The following BCL2 variants were observed in gnomAD, a reference collection of about 807,000 sequenced individuals.
BCL2 encodes the protein BCL2 apoptosis regulator.
Under a neutral mutation model 14.2 loss-of-function variants are expected in BCL2, and 1 was observed. The observed-to-expected ratio is 0.07, with a 90% CI of 0.02 to 0.33. The LOEUF is 0.33. Ranked by LOEUF, BCL2 falls within the 10% of genes least tolerant of loss-of-function variation. The probability of loss-of-function intolerance (pLI) is 0.99; values close to 1 mark genes in which losing one functional copy is unlikely to be tolerated. For synonymous variants in BCL2, 151 were observed against 137.2 expected (o/e 1.10, Z -0.70); for missense variants, 247 against 305.9 (o/e 0.81, Z 1.44).
intron 2 of BCL2, among the ~76,000 whole-genome samples, chr18:63,229,051 T>C (rs1023390840): frequency 1.6e-4 from 24 of 152,268 alleles, no homozygotes; most frequent in South Asian, 1.4e-3. Context: ...GATCACTTGT[T>C]AATATGAAGA....
Position 63,126,796 on chromosome 18 carries a change from A to T in BCL2, c.*1829T>A, listed in dbSNP as rs935020143. 1.3e-5 allele frequency: 3 copies of T among 227,822 alleles called. No homozygotes were observed. The highest frequency in any genetic ancestry group is 2.2e-5 in the African/African-American group (1 of 45,098). 14.1% of individuals were successfully genotyped at this position (227,822 alleles called of 1,614,324 possible). On this transcript the variant is annotated 3_prime_UTR_variant, in exon 3 of 3. Coordinates refer to ENST00000333681, the MANE Select transcript of BCL2 (RefSeq NM_000633.3). ...ACTAAATACAATTAAAAACAAAAAA[A>T]CGCTGAGATGCATGTATTTTTTTAA...
At chr18:63,182,414 G>A (rs1915497545) in intron 2 of BCL2, among the ~76,000 whole-genome samples, 1 of 152,222 alleles carries the variant, frequency 6.6e-6, no homozygotes, top group Non-Finnish European at 1.5e-5. Context: ...CATCTGTACT[G>A]AGAAAACACA....
At chr18:63,148,148 G>T (rs908001933) in intron 2 of BCL2, among the ~76,000 whole-genome samples, 1 of 152,244 alleles carries the variant, frequency 6.6e-6, no homozygotes, top group East Asian at 1.9e-4. Flanking sequence ...GTTTGGATCC[G>T]TGACATCAAC....
chr18:63,287,792 G>C (rs867767420), intron 2 of BCL2, among the ~76,000 whole-genome samples: 2 of 152,176 alleles, frequency 1.3e-5, no homozygotes, highest in Admixed American at 6.5e-5. Flanking sequence ...AAAAACCAGA[G>C]ATCTAGGGAA....
chr18:63,280,990 A>G (rs1301270506), intron 2 of BCL2, among the ~76,000 whole-genome samples: 3 of 152,200 alleles, frequency 2.0e-5, no homozygotes, highest in Admixed American at 2.0e-4. Flanking sequence ...ATTCAATGGA[A>G]TATCATTCAG....
chr18:63,256,499 G>A (rs1181276541), intron 2 of BCL2, among the ~76,000 whole-genome samples: 1 of 152,202 alleles, frequency 6.6e-6, no homozygotes, highest in Non-Finnish European at 1.5e-5. Flanking sequence ...TTACAGGCGT[G>A]AGCCACCATG....
intron 2 of BCL2, among the ~76,000 whole-genome samples, chr18:63,251,542 G>C (rs1380891762): frequency 1.3e-5 from 2 of 150,986 alleles, no homozygotes; most frequent in Non-Finnish European, 3.0e-5. Context: ...CTACTGAGGA[G>C]GCTGAGGCAG....
At chr18:63,151,379 T>C (rs1356449498) in intron 2 of BCL2, 2 of 151,176 alleles carry the variant, frequency 1.3e-5, no homozygotes, top group Non-Finnish European at 2.9e-5. Context: ...TTTCCTTCTA[T>C]GAGGTCAGGA....
rs1157110679 is a variant in BCL2, at chr18:63,318,437, G to A, written c.230C>T (p.Ala77Val). Residue 77 changes from alanine (A) to valine (V), a missense_variant, in exon 2 of 3, where the codon GCC becomes GTC. Physicochemically the swap from Ala to Val is moderately conservative, Grantham distance 64. Coordinates refer to ENST00000333681, the MANE Select transcript of BCL2 (RefSeq NM_000633.3). This position sits in a 1 kb window ranked among gnomAD's most constrained non-coding sequence, Gnocchi z 7.4. ...ARTSPLQTPA[A>V]PGAAAGPALS... The stretch of plus-strand genomic sequence containing the variant: ...CGCAGGCCCCGCGGCGGCGCCGGGG[G>A]CAGCCGGGGTCTGCAGCGGCGAGGT... 22 of 1,477,142 alleles carry A rather than the reference G, an allele frequency of 1.5e-5. No homozygotes were observed. The highest frequency in any genetic ancestry group is 2.8e-5 in the South Asian group (2 of 70,854). 91.5% of individuals were successfully genotyped at this position (1,477,142 alleles called of 1,614,324 possible).
chr18:63,132,514 A>C (rs1014910635), intron 2 of BCL2, among the ~76,000 whole-genome samples: 1 of 152,210 alleles, frequency 6.6e-6, no homozygotes, highest in Admixed American at 6.5e-5. Context: ...TGTTCTGGTC[A>C]AAGATGGGAA....
intron 2 of BCL2, among the ~76,000 whole-genome samples, chr18:63,290,931 A>G (rs1017966279): frequency 6.6e-6 from 1 of 152,144 alleles, no homozygotes; most frequent in Non-Finnish European, 1.5e-5. Context: ...AACATATTTC[A>G]AAAGCCTCCG....
intron 2 of BCL2, among the ~76,000 whole-genome samples, chr18:63,218,413 C>T (rs1910267239): frequency 6.6e-6 from 1 of 152,100 alleles, no homozygotes; most frequent in Non-Finnish European, 1.5e-5. Flanking sequence ...AAAGCTCCTT[C>T]TTCCCTTTCT....
chr18:63,270,959 A>ACT (rs1911987911), intron 2 of BCL2, among the ~76,000 whole-genome samples: 1 of 152,062 alleles, frequency 6.6e-6, no homozygotes, highest in Non-Finnish European at 1.5e-5. Context: ...AGCTGGAACT[A>ACT]CAGGCATGTG....
Position 63,126,966 on chromosome 18 carries a change from A to G in BCL2, c.*1659T>C, listed in dbSNP as rs1913926055. 4.4e-6 allele frequency: 1 copy of G among 227,082 alleles called. No homozygotes were observed. The highest frequency in any genetic ancestry group is 2.2e-5 in the African/African-American group (1 of 45,012). The allele number at this position is 227,082 out of a possible 1,614,324, so 14.1% of individuals were successfully genotyped here. ...GGCTGATTCTAAACTGGAAGAAAAAAAAATTTCCTAGTTTATTTGCTGAAG... is the reference window on the plus strand; with the variant it reads ...GGCTGATTCTAAACTGGAAGAAAAAGAAATTTCCTAGTTTATTTGCTGAAG... On this transcript the variant is annotated 3_prime_UTR_variant, in exon 3 of 3. Transcript: ENST00000333681.
At chr18:63,150,307 T>C (rs1229655916) in intron 2 of BCL2, among the ~76,000 whole-genome samples, 3 of 152,120 alleles carry the variant, frequency 2.0e-5, no homozygotes, top group Non-Finnish European at 2.9e-5. Context: ...ATGGCTAAGG[T>C]TTCTCTCTTC....
chr18:63,156,950 C>A (rs1188581426), intron 2 of BCL2, among the ~76,000 whole-genome samples: 2 of 152,234 alleles, frequency 1.3e-5, no homozygotes, highest in African/African-American at 4.8e-5. Context: ...CTCCCAGGAG[C>A]TAGCTGGTGA....
In BCL2 at chr18:63,273,017, G is replaced by GAAA. The variant is rs59800965; in HGVS notation, c.585+45062_585+45064dup. The stretch of plus-strand genomic sequence containing the variant: ...TAAAATCACAGCAAAGACAGAGATT[G>GAAA]AAAAAAAAAAAAAAGCTTTTTAACC... On this transcript the variant is annotated intron_variant, in intron 2 of 2. Transcript: ENST00000333681. Among the ~76,000 whole-genome samples the GAAA allele has an allele frequency of 7.6e-3, 831 of 109,724 alleles. 10 individuals are homozygous for GAAA. Among genetic ancestry groups the GAAA allele is most frequent in the African/African-American group, 0.026 (795 of 30,258 alleles). The allele number at this position is 109,724 out of a possible 152,430, so 72.0% of individuals were successfully genotyped here. A position where few individuals can be genotyped will look rare whatever the true frequency, so the allele number is the denominator to read the frequency against.
rs138558695 is a variant in BCL2, at chr18:63,214,835, C to G, written c.586-86076G>C. ...AAGTGTTTCTCATGCCTCAGCCCCCCAAGTAGCTGGGACTACAGGCATGTG... is the reference window on the plus strand; with the variant it reads ...AAGTGTTTCTCATGCCTCAGCCCCCGAAGTAGCTGGGACTACAGGCATGTG... On this transcript the variant is annotated intron_variant, in intron 2 of 2. Coordinates refer to ENST00000333681, the MANE Select transcript of BCL2 (RefSeq NM_000633.3). Among the ~76,000 whole-genome samples the G allele has an allele frequency of 6.3e-3, 958 of 152,260 alleles. 8 individuals carry two copies. Among genetic ancestry groups the G allele is most frequent in the African/African-American group, 0.022 (906 of 41,558 alleles).
chr18:63,124,224 TA>T lies in BCL2; in HGVS notation c.*4400del. Reference sequence around the variant, plus strand: ...AATTCAGTTTCACATTGCTTAATTTTATAAAATTTTTTTCTGTATTGTACAT... The same window carrying T: ...AATTCAGTTTCACATTGCTTAATTTTTAAAATTTTTTTCTGTATTGTACAT... On this transcript the variant is annotated 3_prime_UTR_variant, in exon 3 of 3. Transcript: ENST00000333681. The T allele has an allele frequency of 4.5e-6, 1 of 223,342 alleles. No individual in the cohort carries two copies. 13.8% of individuals were successfully genotyped at this position (223,342 alleles called of 1,614,324 possible).
Sources: allele counts gnomAD v4.1 joint callset (sites outside exome capture counted in the v4.1 genomes callset), GRCh38; gene constraint gnomAD v4.1.1; non-coding constraint Gnocchi (gnomAD v3.1); transcripts MANE v1.5; gene names NCBI Gene and HGNC (gene_info 2026-07-23, HGNC 2026-07-21).